TSPAN5: variants seen among roughly 807,000 people sequenced by gnomAD.
TSPAN5 encodes the protein tetraspanin 5, also known as tetraspanin-5.
In TSPAN5, 10 loss-of-function variants were observed where a neutral mutation model predicts 37.1. That is an observed-to-expected ratio of 0.27 (90% confidence interval 0.17 to 0.46). The LOEUF (loss-of-function observed/expected upper bound fraction) is 0.46, where lower values mean the gene tolerates loss of function less well. Among genes scored for constraint, TSPAN5 ranks in the 20% least tolerant of loss-of-function variants. The pLI is 1.00. For missense variants in TSPAN5, 195 were observed against 326.6 expected, an observed-to-expected ratio of 0.60 and a Z score of 3.11; for synonymous variants, 110 against 118.9, an observed-to-expected ratio of 0.93 and a Z score of 0.48.
chr4:98,592,701 T>C (rs2110210811), intron 1 of TSPAN5, among the ~76,000 whole-genome samples: 1 of 150,028 alleles, frequency 6.7e-6, no homozygotes, highest in Non-Finnish European at 1.5e-5. Context: ...GTTTTTTTGT[T>C]CTTGCGATAG....
intron 1 of TSPAN5, among the ~76,000 whole-genome samples, chr4:98,536,182 C>T (rs1036328377): frequency 6.6e-6 from 1 of 152,198 alleles, no homozygotes; most frequent in African/African-American, 2.4e-5. Flanking sequence ...CATCTTTGGT[C>T]TTTAATGTTG....
At chr4:98,583,701 T>G (rs985110360) in intron 1 of TSPAN5, among the ~76,000 whole-genome samples, 12 of 152,262 alleles carry the variant, frequency 7.9e-5, no homozygotes, top group Non-Finnish European at 1.5e-4. Context: ...GCCTTGGCCA[T>G]GCTGCTGATC....
At chr4:98,569,505 C>G (rs191374390) in intron 1 of TSPAN5, among the ~76,000 whole-genome samples, 3 of 152,130 alleles carry the variant, frequency 2.0e-5, no homozygotes, top group Admixed American at 1.3e-4. Context: ...GATCTGGCTG[C>G]GGCAGAGTGC....
chr4:98,474,468 C>T (rs1183723634), intron 7 of TSPAN5, among the ~76,000 whole-genome samples: 1 of 151,874 alleles, frequency 6.6e-6, no homozygotes, highest in Non-Finnish European at 1.5e-5. Context: ...CCTCCTCAGC[C>T]CCCCAAGTAG....
intron 1 of TSPAN5, among the ~76,000 whole-genome samples, chr4:98,628,590 A>G (rs1407475328): frequency 3.9e-5 from 6 of 152,216 alleles, no homozygotes; most frequent in African/African-American, 1.4e-4. Context: ...TCCTGGGTCA[A>G]CCAACAGCTA....
intron 1 of TSPAN5, among the ~76,000 whole-genome samples, chr4:98,564,199 G>A (rs1754945170): frequency 6.6e-6 from 1 of 152,086 alleles, no homozygotes. Context: ...CCAATAACAG[G>A]CATTAGAAAC....
intron 1 of TSPAN5, among the ~76,000 whole-genome samples, chr4:98,640,933 G>C (rs1366577479): frequency 6.6e-6 from 1 of 152,138 alleles, no homozygotes; most frequent in Non-Finnish European, 1.5e-5. Flanking sequence ...AATGATCCTA[G>C]AGGTCGCCAC....
intron 5 of TSPAN5, 33 bp downstream of exon 5, chr4:98,478,652 G>A (rs1454565575): frequency 2.5e-6 from 4 of 1,613,896 alleles, no homozygotes; most frequent in Non-Finnish European, 3.4e-6. Flanking sequence ...ATGATGTACA[G>A]AGTAGGCCAA....
chr4:98,608,877 C>G (rs1400856328), intron 1 of TSPAN5, among the ~76,000 whole-genome samples: 3 of 152,178 alleles, frequency 2.0e-5, no homozygotes, highest in Non-Finnish European at 2.9e-5. Flanking sequence ...CTTCTTTTCC[C>G]CACCACACCC....
intron 1 of TSPAN5, among the ~76,000 whole-genome samples, chr4:98,652,036 T>A (rs1339022464): frequency 6.6e-6 from 1 of 151,842 alleles, no homozygotes; most frequent in Non-Finnish European, 1.5e-5. Flanking sequence ...TTTTAATTTT[T>A]TTTTGTAGAG....
At chr4:98,608,170 G>A (rs1372256549) in intron 1 of TSPAN5, among the ~76,000 whole-genome samples, 1 of 152,178 alleles carries the variant, frequency 6.6e-6, no homozygotes, top group Non-Finnish European at 1.5e-5. Context: ...TGAATTCACA[G>A]GATTCTAGAC....
At chr4:98,504,166 C>G (rs987686425) in intron 2 of TSPAN5, among the ~76,000 whole-genome samples, 1 of 152,188 alleles carries the variant, frequency 6.6e-6, no homozygotes, top group African/African-American at 2.4e-5. Flanking sequence ...AAATGTGTTT[C>G]TTCCAGTGGA....
intron 4 of TSPAN5, among the ~76,000 whole-genome samples, chr4:98,480,157 A>G (rs1296141208): frequency 1.3e-5 from 2 of 152,186 alleles, no homozygotes; most frequent in Non-Finnish European, 2.9e-5. Context: ...TGCTGGCCAG[A>G]TCCCGCAATA....
intron 1 of TSPAN5, among the ~76,000 whole-genome samples, chr4:98,645,408 T>A (rs897825345): frequency 3.3e-5 from 5 of 152,342 alleles, no homozygotes; most frequent in Non-Finnish European, 7.3e-5. Flanking sequence ...ATGGACTATA[T>A]CTTTGAGATT....
At chr4:98,475,771 C>T (rs1385190579) in intron 7 of TSPAN5, among the ~76,000 whole-genome samples, 5 of 152,094 alleles carry the variant, frequency 3.3e-5, no homozygotes, top group African/African-American at 1.2e-4. Context: ...GGGCGGATCA[C>T]GAGGTCAGGA....
chr4:98,484,457 C>T (rs1379462336), intron 3 of TSPAN5: 3 of 456,004 alleles, frequency 6.6e-6, no homozygotes, highest in Admixed American at 4.7e-5. Context: ...TGGAGAGAGG[C>T]CATTTAAGAT....
At chr4:98,638,600 G>A (rs1320721397) in intron 1 of TSPAN5, among the ~76,000 whole-genome samples, 1 of 152,192 alleles carries the variant, frequency 6.6e-6, no homozygotes, top group Non-Finnish European at 1.5e-5. Context: ...GAGATTCACA[G>A]GTAAAGGTAT....
In TSPAN5 at chr4:98,638,508, C is replaced by A. The variant is rs180867555; in HGVS notation, c.81+19638G>T. 3.9e-4 allele frequency among the ~76,000 whole-genome samples: 60 copies of A among 152,306 alleles called. 2 individuals are homozygous for A. The highest frequency in any genetic ancestry group is 3.8e-3 in the Admixed American group (58 of 15,298). On this transcript the variant is annotated intron_variant, in intron 1 of 7. Coordinates refer to ENST00000305798, the MANE Select transcript of TSPAN5 (RefSeq NM_005723.4). ...GCTAGGTATCAACTTATATGTAATA[C>A]ACCGGCATTTGGTTTCTTTGTTTTG...
chr4:98,527,445 C>A (rs149314087), intron 1 of TSPAN5, among the ~76,000 whole-genome samples: 1 of 152,274 alleles, frequency 6.6e-6, no homozygotes, highest in African/African-American at 2.4e-5. Context: ...CTGCTCTTAA[C>A]GACCCTAAAA....
Sources: allele counts gnomAD v4.1 joint callset (sites outside exome capture counted in the v4.1 genomes callset), GRCh38; gene constraint gnomAD v4.1.1; transcripts MANE v1.5; gene names NCBI Gene and HGNC (gene_info 2026-07-23, HGNC 2026-07-21).